Variants in EFCAB6 observed in about 807,000 individuals in gnomAD.
The protein encoded by EFCAB6 is EF-hand calcium-binding domain-containing protein 6.
Under a neutral mutation model 169.8 loss-of-function variants are expected in EFCAB6, and 156 were observed. That is an observed-to-expected ratio of 0.92 (90% CI 0.81 to 1.05). EFCAB6 has a LOEUF of 1.05. Among genes scored for constraint, EFCAB6 ranks in the 50% least tolerant of loss-of-function variants. The probability of loss-of-function intolerance (pLI) is 0.00; values close to 1 mark genes in which losing one functional copy is unlikely to be tolerated. For missense variants in EFCAB6, 1,800 were observed against 1,829.1 expected, an observed-to-expected ratio of 0.98 and a Z score of 0.29; for synonymous variants, 698 against 676.4, an observed-to-expected ratio of 1.03 and a Z score of -0.50.
At position 43,598,327 on chromosome 22, in the gene EFCAB6, A is replaced by ACAAAAC. The variant is rs1477974806; in HGVS notation, c.2876+1741_2876+1742insGTTTTG. Among the ~76,000 whole-genome samples the ACAAAAC allele has an allele frequency of 4.3e-3, 633 of 145,660 alleles. 20 individuals are homozygous for ACAAAAC. The highest frequency in any genetic ancestry group is 0.026 in the Admixed American group (387 of 14,682). On this transcript the variant is annotated intron_variant, in intron 23 of 31. Transcript: ENST00000262726. ...TGTCTCCGGGAAAAAAAAAAAAAAAAAAAAAAAAAAAGGTTGATCTCAGAC... is the reference window on the plus strand; with the variant it reads ...TGTCTCCGGGAAAAAAAAAAAAAAAACAAAACAAAAAAAAAAAGGTTGATCTCAGAC...
At chr22:43,573,628 G>A (rs1011497757) in intron 26 of EFCAB6, among the ~76,000 whole-genome samples, 16 of 151,904 alleles carry the variant, frequency 1.1e-4, no homozygotes, top group African/African-American at 2.4e-4. Flanking sequence ...CTACTCGGGC[G>A]GCTGAGGCAG....
chr22:43,621,781 G>C (rs556566902), intron 20 of EFCAB6, among the ~76,000 whole-genome samples: 1 of 152,238 alleles, frequency 6.6e-6, no homozygotes, highest in Non-Finnish European at 1.5e-5. Flanking sequence ...GTGAAAGTGG[G>C]AAGCCTTAGC....
chr22:43,667,513 G>A (rs945465495), intron 16 of EFCAB6, among the ~76,000 whole-genome samples: 7 of 152,196 alleles, frequency 4.6e-5, no homozygotes, highest in Non-Finnish European at 8.8e-5. Flanking sequence ...ACAGTGGCAG[G>A]CTGGGGACAG....
rs532929436 is a variant in EFCAB6 at position 43,543,674 on chromosome 22, G to T, written c.3649-3317C>A. Among the ~76,000 whole-genome samples, 291 of 152,282 alleles carry T rather than the reference G, an allele frequency of 1.9e-3. 2 individuals are homozygous for T. Among genetic ancestry groups the T allele is most frequent in the African/African-American group, 6.9e-3 (286 of 41,558 alleles). On this transcript the variant is annotated intron_variant, in intron 27 of 31. Transcript: ENST00000262726. ...ATAGCCGCCAGAGACAGGAGGCAGAGAGGGCTGCCCTGGAGGGGCTGGATG... is the reference window on the plus strand; with the variant it reads ...ATAGCCGCCAGAGACAGGAGGCAGATAGGGCTGCCCTGGAGGGGCTGGATG...
intron 17 of EFCAB6, among the ~76,000 whole-genome samples, chr22:43,662,743 T>C (rs980637614): frequency 5.3e-5 from 8 of 152,330 alleles, no homozygotes; most frequent in Non-Finnish European, 1.2e-4. Context: ...CGGCCATCAA[T>C]TACTCAGCAA....
chr22:43,606,825 C>T (rs769075819), intron 22 of EFCAB6, among the ~76,000 whole-genome samples: 10 of 152,250 alleles, frequency 6.6e-5, no homozygotes, highest in Non-Finnish European at 1.2e-4. Flanking sequence ...TGAGTGTCCA[C>T]CTCCAATTGA....
intron 26 of EFCAB6, among the ~76,000 whole-genome samples, chr22:43,558,973 A>G (rs930222218): frequency 6.6e-6 from 1 of 152,202 alleles, no homozygotes; most frequent in Admixed American, 6.5e-5. Flanking sequence ...TCCATGACTA[A>G]AACACCAAAA....
chr22:43,672,419 G>T, intron 13 of EFCAB6, 114 bp from the exon 14 acceptor site: 2 of 1,094,242 alleles, frequency 1.8e-6, no homozygotes, highest in Non-Finnish European at 2.7e-6. Context: ...TTAGCCATTA[G>T]CTTTGAGACC....
At chr22:43,541,670 C>A (rs1278257198) in intron 27 of EFCAB6, among the ~76,000 whole-genome samples, 1 of 152,204 alleles carries the variant, frequency 6.6e-6, no homozygotes, top group Non-Finnish European at 1.5e-5. Context: ...GCACCAAGTA[C>A]AGTAACCTGT....
At chr22:43,632,755 A>G (rs565354072) in intron 18 of EFCAB6, among the ~76,000 whole-genome samples, 2 of 140,556 alleles carry the variant, frequency 1.4e-5, no homozygotes, top group East Asian at 4.1e-4. Context: ...CTCCTCTTCC[A>G]GGAGGAACCA....
intron 8 of EFCAB6, among the ~76,000 whole-genome samples, chr22:43,719,615 A>G (rs1483354875): frequency 2.0e-5 from 3 of 152,224 alleles, no homozygotes; most frequent in African/African-American, 7.2e-5. Flanking sequence ...GCTCTTGGTA[A>G]TTTGTTCTTA....
At chr22:43,607,826 T>G (rs913509272) in intron 22 of EFCAB6, among the ~76,000 whole-genome samples, 3 of 152,162 alleles carry the variant, frequency 2.0e-5, no homozygotes, top group African/African-American at 4.8e-5. Context: ...TGAAGTTGGG[T>G]CTGGAACTTG....
chr22:43,782,581 C>T (rs1481627668), intron 2 of EFCAB6, among the ~76,000 whole-genome samples: 1 of 152,158 alleles, frequency 6.6e-6, no homozygotes, highest in African/African-American at 2.4e-5. Flanking sequence ...GAAAAATCCA[C>T]CTACATCTTG....
At chr22:43,594,893 C>T (rs1335996523) in intron 23 of EFCAB6, among the ~76,000 whole-genome samples, 1 of 152,130 alleles carries the variant, frequency 6.6e-6, no homozygotes, top group Non-Finnish European at 1.5e-5. Flanking sequence ...CAAAACATAT[C>T]TCAGCCAATT....
intron 31 of EFCAB6, 75 bp from the exon 32 acceptor site, chr22:43,529,050 G>A: frequency 1.4e-6 from 2 of 1,467,668 alleles, no homozygotes; most frequent in Non-Finnish European, 1.8e-6. Context: ...CCAGGAAGGG[G>A]CTGGGGGACA....
intron 27 of EFCAB6, among the ~76,000 whole-genome samples, chr22:43,542,989 C>G (rs1602154402): frequency 6.6e-6 from 1 of 152,170 alleles, no homozygotes; most frequent in Admixed American, 6.5e-5. Context: ...GAGAAAGACA[C>G]CACCATGGGT....
Position 43,755,753 on chromosome 22 carries a change from A to C in EFCAB6, c.507+13T>G, listed in dbSNP as rs1271750889. 2.5e-6 allele frequency: 4 copies of C among 1,589,952 alleles called. No homozygotes were observed. Among genetic ancestry groups the C allele is most frequent in the Non-Finnish European group, 3.4e-6 (4 of 1,170,898 alleles). ...GGGGTGGGGGGAAATCATTTCTTTA[A>C]AATCTCTATTACCTTTTCTCCCACT... On this transcript the variant is annotated intron_variant, in intron 6 of 31. Transcript: ENST00000262726.
chr22:43,661,882 C>T (rs1020663364), intron 17 of EFCAB6, among the ~76,000 whole-genome samples: 9 of 152,102 alleles, frequency 5.9e-5, no homozygotes, highest in Non-Finnish European at 1.5e-5. Context: ...TCTGGGAGGC[C>T]GAGGCGGGTG....
At chr22:43,683,020 A>G (rs1029179658) in intron 12 of EFCAB6, among the ~76,000 whole-genome samples, 5 of 151,538 alleles carry the variant, frequency 3.3e-5, no homozygotes, top group African/African-American at 1.2e-4. Flanking sequence ...ACTCCCAGAC[A>G]CTCCCTCCAC....
Sources: gnomAD v4.1 joint callset for allele counts (sites outside exome capture counted in the v4.1 genomes callset) on GRCh38, gnomAD v4.1.1 for gene constraint, MANE v1.5 for transcripts, NCBI Gene and HGNC (gene_info 2026-07-23, HGNC 2026-07-21) for gene names.